The following GOLGA8S variants were observed in gnomAD, a reference collection of about 807,000 sequenced individuals.
GOLGA8S encodes golgin A8 family member S.
A neutral mutation model predicts 58.9 loss-of-function variants in GOLGA8S; 23 were observed. The ratio of observed to expected loss-of-function variants is 0.39; its 90% CI spans 0.28 to 0.55. The LOEUF is 0.55. Ranked by LOEUF, GOLGA8S falls within the 20% of genes least tolerant of loss-of-function variation. The pLI, the probability that GOLGA8S is intolerant of heterozygous loss-of-function variation, is 0.63. For missense variants in GOLGA8S, 266 were observed against 514.2 expected (o/e 0.52, Z 4.67); for synonymous variants, 84 against 195.7 (o/e 0.43, Z 4.76).
At position 23,357,615 on chromosome 15, in the gene GOLGA8S, CT is replaced by C. The variant is rs2069707277; in HGVS notation, c.308del (p.Leu103Ter). The C allele has an allele frequency of 1.0e-6, 1 of 963,198 alleles. No individual in the cohort carries two copies. The highest frequency in any genetic ancestry group is 1.4e-5 in the South Asian group (1 of 71,076). 59.7% of individuals were successfully genotyped at this position (963,198 alleles called of 1,614,324 possible). A position where few individuals can be genotyped will look rare whatever the true frequency, so the allele number is the denominator to read the frequency against. Reference sequence around the variant, plus strand: ...AGTCAACTGAAGAACACCATCAAATCTTTGGTAAGAGTCCACTGGGGTCCCC... The same window carrying C: ...AGTCAACTGAAGAACACCATCAAATCTTGGTAAGAGTCCACTGGGGTCCCC... On this transcript the variant is annotated frameshift_variant, in exon 4 of 19. Coordinates refer to ENST00000562295, the Ensembl canonical transcript of GOLGA8S. LOFTEE classifies it high-confidence loss of function.
intron 8 of GOLGA8S, among the ~76,000 whole-genome samples, 200 bp downstream of exon 8, chr15:23,359,409 A>G (rs1319587300): frequency 6.8e-6 from 1 of 146,630 alleles, no homozygotes; most frequent in African/African-American, 2.5e-5. Context: ...CTCTGGGGAC[A>G]AAGCACAGGA....
At chr15:23,361,342 A>G (rs745966135) in exon 12 of GOLGA8S, 2 of 1,169,332 alleles carry the variant, frequency 1.7e-6, no homozygotes, top group East Asian at 4.6e-5. Flanking sequence ...ATCAGCGCAT[A>G]AGTCTCCTGA....
intron 11 of GOLGA8S, 63 bp from the exon 12 acceptor site, chr15:23,361,158 T>C (rs539647992): frequency 1.0e-6 from 1 of 1,004,672 alleles, no homozygotes; most frequent in Admixed American, 2.9e-5. Flanking sequence ...TCTTTTCTTT[T>C]CTTTTCTTTT....
chr15:23,365,057 C>G (rs758218626), exon 19 of GOLGA8S: 5 of 1,580,434 alleles, frequency 3.2e-6, no homozygotes, highest in Admixed American at 1.7e-5. Flanking sequence ...GCAGGACCAC[C>G]AGGAGCACCC....
downstream of GOLGA8S, among the ~76,000 whole-genome samples, chr15:23,368,311 A>G (rs2069953299): frequency 6.6e-6 from 1 of 151,882 alleles, no homozygotes; most frequent in African/African-American, 2.4e-5. Flanking sequence ...AAATCATTAA[A>G]TTGTTTCTAA....
rs777743024 is a variant in GOLGA8S, at chr15:23,364,316, G to T, written c.1348-27G>T. 3 of 1,597,854 alleles carry T rather than the reference G, an allele frequency of 1.9e-6. No homozygotes were observed. In the Admixed American group the frequency reaches 5.0e-5, roughly 27 times the overall value. On this transcript the variant is annotated intron_variant, in intron 15 of 18. Coordinates refer to ENST00000562295, the Ensembl canonical transcript of GOLGA8S. ...CCACCTGAGGGCAGGTCGCTGCCGAGATGTGACTACAATATTTTGGCTCCA... is the reference window on the plus strand; with the variant it reads ...CCACCTGAGGGCAGGTCGCTGCCGATATGTGACTACAATATTTTGGCTCCA...
chr15:23,361,192 A>C, intron 11 of GOLGA8S, 29 bp from the exon 12 acceptor site: 2 of 1,055,056 alleles, frequency 1.9e-6, no homozygotes, highest in Non-Finnish European at 1.4e-6. Context: ...TGGAATCCAG[A>C]GGCTCTTATT....
intron 4 of GOLGA8S, among the ~76,000 whole-genome samples, chr15:23,358,052 G>C (rs1322104369): frequency 6.6e-6 from 1 of 151,004 alleles, no homozygotes; most frequent in Non-Finnish European, 1.5e-5. Flanking sequence ...AGGCCTCCTA[G>C]AATGGAAACC....
chr15:23,360,155 C>T, intron 8 of GOLGA8S, 74 bp from the exon 9 acceptor site: 1 of 736,774 alleles, frequency 1.4e-6, no homozygotes, highest in Non-Finnish European at 2.5e-6. Flanking sequence ...TATATTGGGC[C>T]TAGCCCTGGC....
downstream of GOLGA8S, chr15:23,365,988 C>A (rs1211881406): frequency 1.3e-5 from 2 of 150,942 alleles, no homozygotes; most frequent in African/African-American, 4.9e-5. Flanking sequence ...CCATCGTTGA[C>A]TGTGGATGTG....
At chr15:23,360,622 G>C (rs1055340534) in intron 10 of GOLGA8S, 90 bp downstream of exon 10, 2 of 1,249,146 alleles carry the variant, frequency 1.6e-6, no homozygotes, top group Non-Finnish European at 2.3e-6. Context: ...AGCCAGAGGT[G>C]GTCATGGGAC....
rs770247415 is a variant in GOLGA8S, at chr15:23,364,440, A to G, written c.1445A>G (p.His482Arg). The change falls in exon 16 of 19, where the codon CAT becomes CGT. Residue 482 changes from histidine (H) to arginine (R), a missense_variant. Coordinates refer to ENST00000562295, the Ensembl canonical transcript of GOLGA8S. ...ATTCAATACTGGCAAGAGAGATGCC[A>G]TCAGTGAGTGGGAGGCCAGGGCACA... 3.7e-6 allele frequency: 6 copies of G among 1,605,142 alleles called. No homozygotes were observed. The African/African-American group carries it at 6.7e-5, about 18-fold the overall frequency.
rs4036674 is a variant in GOLGA8S at position 23,364,268 on chromosome 15, A to G, written c.1348-75A>G. On this transcript the variant is annotated intron_variant, in intron 15 of 18. Transcript: ENST00000562295. ...CTGGCCCATGCCAGGACTCACCTCC[A>G]CCTTCTCCATGACTTGAAAATGCCA... The G allele has an allele frequency of 6.6e-3, 10,342 of 1,566,306 alleles. 146 individuals are homozygous for G. The highest frequency in any genetic ancestry group is 0.024 in the East Asian group (1,069 of 44,160).
intron 4 of GOLGA8S, among the ~76,000 whole-genome samples, chr15:23,357,904 G>C (rs1302269311): frequency 6.7e-6 from 1 of 149,944 alleles, no homozygotes; most frequent in African/African-American, 2.5e-5. Flanking sequence ...TGGTTGTCAG[G>C]GTCCCTGTAT....
Position 23,356,407 on chromosome 15 carries a change from CT to C in GOLGA8S, c.49-175del, listed in dbSNP as rs529024620. The stretch of plus-strand genomic sequence containing the variant: ...TCATCTGTCGCCTTTTTCTTTTCTT[CT>C]TTTTTTTTCTAGCCATGATATCAAT... On this transcript the variant is annotated intron_variant, in intron 1 of 18. Coordinates refer to ENST00000562295, the Ensembl canonical transcript of GOLGA8S. Among the ~76,000 whole-genome samples the C allele has an allele frequency of 2.4e-4, 30 of 125,588 alleles. 3 individuals carry two copies. Among genetic ancestry groups the C allele is most frequent in the Non-Finnish European group, 3.7e-4 (21 of 56,596 alleles). 82.4% of individuals were successfully genotyped at this position (125,588 alleles called of 152,430 possible). A position where few individuals can be genotyped will look rare whatever the true frequency, so the allele number is the denominator to read the frequency against.
Position 23,364,039 on chromosome 15 carries a change from G to T in GOLGA8S, c.1347+270G>T, listed in dbSNP as rs1454483047. Among the ~76,000 whole-genome samples the T allele has an allele frequency of 3.7e-5, 5 of 136,976 alleles. 1 individual carries two copies. The highest frequency in any genetic ancestry group is 1.3e-4 in the African/African-American group (5 of 38,934). 89.9% of individuals were successfully genotyped at this position (136,976 alleles called of 152,430 possible). Reference sequence around the variant, plus strand: ...CTTGCCCTCAGGTGGCATTTTTCAAGTCCGCTGGAGCTAGTGCCCAGGAGA... The same window carrying T: ...CTTGCCCTCAGGTGGCATTTTTCAATTCCGCTGGAGCTAGTGCCCAGGAGA... On this transcript the variant is annotated intron_variant, in intron 15 of 18. Coordinates refer to ENST00000562295, the Ensembl canonical transcript of GOLGA8S.
chr15:23,361,169 CTTTT>C (rs149891156), intron 11 of GOLGA8S, 48 bp from the exon 12 acceptor site: 9 of 720,592 alleles, frequency 1.2e-5, no homozygotes, highest in African/African-American at 9.7e-5. Flanking sequence ...CTTTTCTTTT[CTTTT>C]TTTTTTTTTG....
rs762857000 is a variant in GOLGA8S, at chr15:23,361,321, G to C, written c.975G>C (p.Gln325His). The C allele has an allele frequency of 6.4e-6, 8 of 1,254,206 alleles. No individual in the cohort carries two copies. In the Admixed American group the frequency reaches 1.0e-4, roughly 16 times the overall value. The allele number at this position is 1,254,206 out of a possible 1,614,324, so 77.7% of individuals were successfully genotyped here. A position where few individuals can be genotyped will look rare whatever the true frequency, so the allele number is the denominator to read the frequency against. ...GAGTGGCAGGAGCGCTCCAGGCCCA[G>C]GTGGAGTACAATCAGCGCATAAGTC... The change falls in exon 12 of 19, where the codon CAG becomes CAC. Residue 325 changes from glutamine to histidine, a missense_variant. Physicochemically the swap from Gln to His is conservative, Grantham distance 24 (BLOSUM62 0). Transcript: ENST00000562295.
chr15:23,360,179 A>C (rs2069762080), intron 8 of GOLGA8S, 50 bp from the exon 9 acceptor site: 1 of 757,582 alleles, frequency 1.3e-6, no homozygotes, highest in Non-Finnish European at 2.4e-6. Context: ...TTTAAGGGGC[A>C]CTGTGTGGAA....
Sources: gnomAD v4.1 joint callset for allele counts (sites outside exome capture counted in the v4.1 genomes callset) on GRCh38, gnomAD v4.1.1 for gene constraint, MANE v1.5 for transcripts, NCBI Gene and HGNC (gene_info 2026-07-23, HGNC 2026-07-21) for gene names.